Variants in WNT9B observed in about 807,000 individuals in gnomAD.
WNT9B encodes the protein protein Wnt-9b.
WNT9B carries 12 observed loss-of-function variants against 30.2 expected under a neutral mutation model. The ratio of observed to expected loss-of-function variants is 0.40; its 90% CI spans 0.26 to 0.64. WNT9B has a LOEUF of 0.64. Among genes scored for constraint, WNT9B ranks in the 30% least tolerant of loss-of-function variants. The pLI is 0.42. For synonymous variants in WNT9B, 218 were observed against 216.9 expected (o/e 1.01, Z -0.05); for missense variants, 442 against 485.2 (o/e 0.91, Z 0.84).
At chr17:46,852,156 G>T (rs1214188556) in intron 1 of WNT9B, among the ~76,000 whole-genome samples, 2 of 152,200 alleles carry the variant, frequency 1.3e-5, no homozygotes, top group South Asian at 2.1e-4. Context: ...CCCACCCTCC[G>T]CCTTCGCCCT....
At chr17:46,852,967 G>A (rs1297287889) in intron 1 of WNT9B, among the ~76,000 whole-genome samples, 1 of 152,112 alleles carries the variant, frequency 6.6e-6, no homozygotes, top group Non-Finnish European at 1.5e-5. Context: ...TCTGGGCTTA[G>A]CTTGCTAATG....
In WNT9B at chr17:46,876,487, G is replaced by A. The variant is rs2085347648; in HGVS notation, c.843G>A (p.Leu281=). 6.2e-7 allele frequency: 1 copy of A among 1,613,542 alleles called. No homozygotes were observed. Among genetic ancestry groups the A allele is most frequent in the South Asian group, 1.1e-5 (1 of 91,092 alleles). The change falls in exon 4 of 4, where the codon CTG becomes CTA. Residue 281 remains leucine (L), a synonymous_variant. Transcript: ENST00000290015. ...GCCTGGCCCCAAGGTCTGGGGACCT[G>A]GTGTACATGGAGGACTCACCCAGCT... ...TKGLAPRSGD[L]VYMEDSPSFC... is the part of the protein sequence containing the mutation.
intron 1 of WNT9B, among the ~76,000 whole-genome samples, chr17:46,852,498 AG>A (rs1257319997): frequency 6.8e-6 from 1 of 147,654 alleles, no homozygotes; most frequent in Non-Finnish European, 1.5e-5. Context: ...ACAGTGGGGT[AG>A]GTGACACTGG....
At chr17:46,865,881 G>A (rs2085125575) in intron 1 of WNT9B, among the ~76,000 whole-genome samples, 1 of 152,156 alleles carries the variant, frequency 6.6e-6, no homozygotes, top group African/African-American at 2.4e-5. Flanking sequence ...CAAAGTGCTG[G>A]TACTACAGGT....
downstream of WNT9B, among the ~76,000 whole-genome samples, chr17:46,881,248 G>C (rs748578385): frequency 4.1e-4 from 63 of 152,198 alleles, no homozygotes; most frequent in Non-Finnish European, 6.8e-4. Flanking sequence ...GCAGAGGTGG[G>C]CCCACAGTCC....
At chr17:46,853,198 G>C (rs2084883262) in intron 1 of WNT9B, among the ~76,000 whole-genome samples, 1 of 151,958 alleles carries the variant, frequency 6.6e-6, no homozygotes, top group Admixed American at 6.6e-5. Context: ...CCACTTGCTA[G>C]GTGTGCTCTT....
chr17:46,847,967 A>AGCGTGTGTGTGT (rs145784523), upstream of WNT9B, among the ~76,000 whole-genome samples: 5 of 149,584 alleles, frequency 3.3e-5, no homozygotes, highest in African/African-American at 1.2e-4. Context: ...TGATTTCCAA[A>AGCGTGTGTGTGT]GTGTGTGTGT....
chr17:46,855,698 CTATT>C (rs1361201281), intron 1 of WNT9B, among the ~76,000 whole-genome samples: 1 of 152,158 alleles, frequency 6.6e-6, no homozygotes, highest in African/African-American at 2.4e-5. Context: ...CCAATCCAGT[CTATT>C]TATTTATTTA....
At chr17:46,861,740 A>G (rs528000473) in intron 1 of WNT9B, among the ~76,000 whole-genome samples, 78 of 152,146 alleles carry the variant, frequency 5.1e-4, no homozygotes, top group African/African-American at 1.9e-3. Context: ...AAGACCAACT[A>G]CCAAGCTCTG....
At chr17:46,846,621 G>A (rs1406475568), upstream of WNT9B, among the ~76,000 whole-genome samples, 1 of 152,240 alleles carries the variant, frequency 6.6e-6, no homozygotes, top group African/African-American at 2.4e-5. Flanking sequence ...ATGGCTGGGT[G>A]GGGGGCCACC....
intron 1 of WNT9B, among the ~76,000 whole-genome samples, chr17:46,869,401 C>T (rs2085199832): frequency 6.6e-6 from 1 of 152,230 alleles, no homozygotes; most frequent in Non-Finnish European, 1.5e-5. Flanking sequence ...GTCTCTTCCC[C>T]TGGGCATCGC....
intron 1 of WNT9B, among the ~76,000 whole-genome samples, chr17:46,859,394 T>A (rs570381363): frequency 1.0e-3 from 155 of 152,350 alleles, no homozygotes; most frequent in African/African-American, 3.6e-3. Context: ...CAGTGCCATT[T>A]GTTGAAATGA....
chr17:46,846,272 G>T (rs1032945868), intron 1 of WNT9B, among the ~76,000 whole-genome samples: 1 of 152,158 alleles, frequency 6.6e-6, no homozygotes, highest in African/African-American at 2.4e-5. Context: ...AATAAGTCAG[G>T]TCTGACCTTC....
intron 1 of WNT9B, among the ~76,000 whole-genome samples, chr17:46,871,993 T>A (rs1319525029): frequency 1.3e-5 from 2 of 152,196 alleles, no homozygotes; most frequent in Non-Finnish European, 2.9e-5. Context: ...GAGAGAGGGA[T>A]GTCAGGGGAC....
intron 1 of WNT9B, among the ~76,000 whole-genome samples, chr17:46,852,422 GTGTGT>G (rs1398984732): frequency 6.6e-6 from 1 of 151,056 alleles, no homozygotes; most frequent in Non-Finnish European, 1.5e-5. Flanking sequence ...GTGTGTGTGT[GTGTGT>G]GTGTGTGTGT....
chr17:46,847,156 T>A (rs947784812), upstream of WNT9B, among the ~76,000 whole-genome samples: 3 of 152,230 alleles, frequency 2.0e-5, no homozygotes, highest in Admixed American at 2.0e-4. Flanking sequence ...GCAGCCCCTA[T>A]TAACATTTTG....
At chr17:46,836,095 C>CGTATGTGTGTGTGT (rs1555692746) in intron 1 of WNT9B, among the ~76,000 whole-genome samples, 3 of 126,434 alleles carry the variant, frequency 2.4e-5, no homozygotes, top group Non-Finnish European at 3.2e-5. Context: ...GAGACGCTGA[C>CGTATGTGTGTGTGT]GTGTGTGTGT....
At chr17:46,833,345 C>A (rs780279063) in exon 1 of WNT9B, 8 of 517,992 alleles carry the variant, frequency 1.5e-5, no homozygotes, top group African/African-American at 1.5e-4. Flanking sequence ...GTATCAATTG[C>A]ATGAAAGGAC....
At chr17:46,841,932 T>C (rs1438598194) in intron 1 of WNT9B, among the ~76,000 whole-genome samples, 1 of 152,220 alleles carries the variant, frequency 6.6e-6, no homozygotes, top group African/African-American at 2.4e-5. Context: ...GGACAGTCCC[T>C]GCCGCGCCGA....
Sources: allele counts gnomAD v4.1 joint callset (sites outside exome capture counted in the v4.1 genomes callset), GRCh38; gene constraint gnomAD v4.1.1; transcripts MANE v1.5; gene names NCBI Gene and HGNC (gene_info 2026-07-23, HGNC 2026-07-21).